CHIC2: variants seen among roughly 807,000 people sequenced by gnomAD.
CHIC2 encodes the protein cysteine rich hydrophobic domain 2.
CHIC2 carries 14 observed loss-of-function variants against 25.9 expected under a neutral mutation model. The observed-to-expected ratio is 0.54, with a 90% CI of 0.36 to 0.85. The LOEUF is 0.85. Among genes scored for constraint, CHIC2 ranks in the 40% least tolerant of loss-of-function variants. The probability of loss-of-function intolerance (pLI) is 0.01; values close to 1 mark genes in which losing one functional copy is unlikely to be tolerated. For missense variants in CHIC2, 146 were observed against 202.0 expected (o/e 0.72, Z 1.68); for synonymous variants, 70 against 72.0 (o/e 0.97, Z 0.14).
At chr4:54,072,757 T>C in the CHIC2 span, among the ~76,000 whole-genome samples, 1 of 152,172 alleles carries the variant, frequency 6.6e-6, no homozygotes, top group East Asian at 1.9e-4. Flanking sequence ...ACTTCTTCTA[T>C]ATGATGGTCC....
At chr4:54,037,588 T>C (rs1272557918) in intron 3 of CHIC2, among the ~76,000 whole-genome samples, 3 of 152,126 alleles carry the variant, frequency 2.0e-5, no homozygotes, top group African/African-American at 4.8e-5. Flanking sequence ...TGTATGTCAC[T>C]GACACTTCAA....
chr4:54,074,597 A>AACACACACACAC, the CHIC2 span, among the ~76,000 whole-genome samples: 340 of 139,706 alleles, frequency 2.4e-3, 2 homozygotes, highest in African/African-American at 8.4e-3. Flanking sequence ...ACAACACACA[A>AACACACACACAC]ACACACACAC....
intron 3 of CHIC2, among the ~76,000 whole-genome samples, chr4:54,044,907 C>CT (rs1716731329): frequency 6.6e-6 from 1 of 151,582 alleles, no homozygotes. Context: ...GCTAGCAAGA[C>CT]TAATAAAGAA....
In CHIC2 at chr4:54,013,906, T is replaced by G. The variant is rs374483260; in HGVS notation, c.388-10A>C. 6.2e-7 allele frequency: 1 copy of G among 1,613,056 alleles called. No homozygotes were observed. Among genetic ancestry groups the G allele is most frequent in the Non-Finnish European group, 8.5e-7 (1 of 1,179,320 alleles). On this transcript the variant is annotated splice_polypyrimidine_tract_variant and intron_variant, in intron 4 of 5. Coordinates refer to ENST00000263921, the MANE Select transcript of CHIC2 (RefSeq NM_012110.4). ...TCCAATGCAAGCACAGCTAGACAAG[T>G]AGGAAAGTAAAAGAAGAAAAATGAG...
intron 3 of CHIC2, among the ~76,000 whole-genome samples, chr4:54,040,330 G>A (rs557381923): frequency 6.6e-6 from 1 of 152,274 alleles, no homozygotes; most frequent in Non-Finnish European, 1.5e-5. Flanking sequence ...ACTTTGGGAG[G>A]CCGAGGCAGG....
At chr4:54,078,005 T>G in the CHIC2 span, among the ~76,000 whole-genome samples, 1 of 152,238 alleles carries the variant, frequency 6.6e-6, no homozygotes, top group Non-Finnish European at 1.5e-5. Flanking sequence ...ATGATGTAAC[T>G]TGGCAAAGAA....
At position 54,064,148 on chromosome 4, in the gene CHIC2, G is replaced by A. The variant is rs772351714; in HGVS notation, c.119+34C>T. 13 of 1,564,596 alleles carry A rather than the reference G, an allele frequency of 8.3e-6. No individual in the cohort carries two copies. In the Middle Eastern group the frequency reaches 5.7e-4, roughly 69 times the overall value. The stretch of plus-strand genomic sequence containing the variant: ...GGAGTAACGGGGCCCACCCCAGCCC[G>A]CACCTCCCGCCCTCGCCCTCCTCCG... On this transcript the variant is annotated intron_variant, in intron 1 of 5. Transcript: ENST00000263921. The surrounding 1 kb of genome is among the most constrained non-coding windows in gnomAD (Gnocchi z 4.2).
chr4:54,028,383 AT>A (rs1716124226), intron 3 of CHIC2, among the ~76,000 whole-genome samples: 1 of 152,208 alleles, frequency 6.6e-6, no homozygotes, highest in African/African-American at 2.4e-5. Context: ...TAAGATTGGA[AT>A]TCTAGTTTGG....
At chr4:54,063,439 C>A (rs560072137) in intron 1 of CHIC2, among the ~76,000 whole-genome samples, 1 of 152,168 alleles carries the variant, frequency 6.6e-6, no homozygotes, top group Admixed American at 6.5e-5. Context: ...AGCTTTCATT[C>A]CTTATTAATA....
intron 1 of CHIC2, chr4:54,061,074 G>A (rs1485981759): frequency 6.6e-6 from 1 of 152,064 alleles, no homozygotes; most frequent in Non-Finnish European, 1.5e-5. Context: ...GATCATGAGA[G>A]AAGTATAAAA....
chr4:54,072,900 G>T, the CHIC2 span, among the ~76,000 whole-genome samples: 1 of 152,088 alleles, frequency 6.6e-6, no homozygotes. Context: ...GTGAAACCCC[G>T]TGTCTACTAA....
At chr4:54,026,482 T>C (rs1024740544) in intron 3 of CHIC2, among the ~76,000 whole-genome samples, 8 of 152,188 alleles carry the variant, frequency 5.3e-5, no homozygotes, top group African/African-American at 1.9e-4. Flanking sequence ...AGTGTGCCAC[T>C]GCACTCCAGC....
intron 3 of CHIC2, among the ~76,000 whole-genome samples, chr4:54,020,191 C>G (rs1160073007): frequency 1.3e-5 from 2 of 152,180 alleles, no homozygotes; most frequent in Admixed American, 1.3e-4. Context: ...ATAACCTTAA[C>G]TGATGATACT....
At chr4:54,081,051 T>C in the CHIC2 span, among the ~76,000 whole-genome samples, 1 of 150,132 alleles carries the variant, frequency 6.7e-6, no homozygotes, top group Non-Finnish European at 1.5e-5. Flanking sequence ...TATACAAATT[T>C]TATTTGATTA....
chr4:54,047,931 G>A (rs1367372451), intron 3 of CHIC2, among the ~76,000 whole-genome samples: 10 of 151,636 alleles, frequency 6.6e-5, no homozygotes, highest in Non-Finnish European at 1.0e-4. Flanking sequence ...ATTTTAACAA[G>A]AATATAATAC....
At chr4:54,015,401 T>C (rs2110059861) in intron 3 of CHIC2, among the ~76,000 whole-genome samples, 1 of 152,298 alleles carries the variant, frequency 6.6e-6, no homozygotes, top group South Asian at 2.1e-4. Flanking sequence ...ACTTGTTTCT[T>C]TGTAAAGATA....
chr4:54,022,383 G>A (rs1269198521), intron 3 of CHIC2, among the ~76,000 whole-genome samples: 2 of 151,994 alleles, frequency 1.3e-5, no homozygotes, highest in East Asian at 3.9e-4. Context: ...TTAATATGGA[G>A]GCTACCCACT....
the CHIC2 span, among the ~76,000 whole-genome samples, chr4:54,071,156 A>T: frequency 6.6e-6 from 1 of 152,240 alleles, no homozygotes; most frequent in East Asian, 1.9e-4. Flanking sequence ...TCCTGAGAGC[A>T]GAACCAATTA....
At chr4:54,026,408 T>C (rs1361671950) in intron 3 of CHIC2, among the ~76,000 whole-genome samples, 1 of 151,994 alleles carries the variant, frequency 6.6e-6, no homozygotes, top group Non-Finnish European at 1.5e-5. Flanking sequence ...TAGCCCCAGC[T>C]ACTTGGGAGA....
Sources: allele counts gnomAD v4.1 joint callset (sites outside exome capture counted in the v4.1 genomes callset), GRCh38; gene constraint gnomAD v4.1.1; non-coding constraint Gnocchi (gnomAD v3.1); transcripts MANE v1.5; gene names NCBI Gene and HGNC (gene_info 2026-07-23, HGNC 2026-07-21).